NRG3: variants seen among roughly 807,000 people sequenced by gnomAD.
NRG3 encodes the protein pro-neuregulin-3, membrane-bound isoform.
A neutral mutation model predicts 66.9 loss-of-function variants in NRG3; 31 were observed. The observed-to-expected ratio is 0.46, with a 90% CI of 0.35 to 0.63. The LOEUF is 0.63. Among genes scored for constraint, NRG3 ranks in the 20% least tolerant of loss-of-function variants. The pLI, the probability that NRG3 is intolerant of heterozygous loss-of-function variation, is 0.00. For missense variants in NRG3, 910 were observed against 878.9 expected (o/e 1.04, Z -0.45); for synonymous variants, 393 against 359.4 (o/e 1.09, Z -1.06).
At chr10:82,239,629 T>C (rs372567677) in intron 1 of NRG3, among the ~76,000 whole-genome samples, 1 of 152,354 alleles carries the variant, frequency 6.6e-6, no homozygotes, top group East Asian at 1.9e-4. Flanking sequence ...ATCACAAATA[T>C]CCTTCTTCAT....
chr10:82,029,737 G>T (rs76343305), intron 1 of NRG3, among the ~76,000 whole-genome samples: 2,066 of 152,146 alleles, frequency 0.014, 52 homozygotes, highest in African/African-American at 0.047. Flanking sequence ...TTACATTGAG[G>T]GTTCCCAGGA....
chr10:82,589,983 G>A (rs561260161), intron 2 of NRG3, among the ~76,000 whole-genome samples: 63 of 152,252 alleles, frequency 4.1e-4, no homozygotes, highest in African/African-American at 1.5e-3. Context: ...ACTGAAAAAT[G>A]GTTGTTTTCT....
chr10:82,888,218 C>T (rs547496332), intron 4 of NRG3, among the ~76,000 whole-genome samples: 1 of 152,108 alleles, frequency 6.6e-6, no homozygotes, highest in Non-Finnish European at 1.5e-5. Context: ...CTAACACAGC[C>T]ATTTGTAAAG....
At chr10:82,445,425 C>T (rs1019615167) in intron 2 of NRG3, among the ~76,000 whole-genome samples, 2 of 152,184 alleles carry the variant, frequency 1.3e-5, no homozygotes, top group African/African-American at 4.8e-5. Context: ...TTTTCCTTAA[C>T]AGCAGGATGT....
intron 2 of NRG3, among the ~76,000 whole-genome samples, chr10:82,421,424 A>G (rs1161105123): frequency 1.3e-5 from 2 of 152,060 alleles, no homozygotes; most frequent in Admixed American, 1.3e-4. Flanking sequence ...GAAAAAGTCT[A>G]TGCGGCAACA....
intron 1 of NRG3, among the ~76,000 whole-genome samples, chr10:82,214,471 C>T (rs1389834447): frequency 2.0e-5 from 3 of 151,990 alleles, no homozygotes; most frequent in Non-Finnish European, 4.4e-5. Context: ...CTATTTCCAC[C>T]CCCCGCCCTT....
chr10:82,355,891 A>G (rs2083749892), intron 1 of NRG3, among the ~76,000 whole-genome samples: 1 of 152,184 alleles, frequency 6.6e-6, no homozygotes, highest in South Asian at 2.1e-4. Context: ...CCAATATTTT[A>G]TTATTGTTTA....
chr10:82,302,616 C>A (rs1255555825), intron 1 of NRG3, among the ~76,000 whole-genome samples: 1 of 151,978 alleles, frequency 6.6e-6, no homozygotes, highest in Non-Finnish European at 1.5e-5. Context: ...ACATCACAGA[C>A]CTTTTAAAAT....
At chr10:82,813,847 T>C (rs1001488900) in intron 3 of NRG3, among the ~76,000 whole-genome samples, 8 of 152,162 alleles carry the variant, frequency 5.3e-5, no homozygotes, top group Admixed American at 4.6e-4. Flanking sequence ...ATTTTTAAAG[T>C]AACTGAGGGC....
rs966796223 is a variant in NRG3 at position 82,622,819 on chromosome 10, T to C, written c.954-115758T>C. On this transcript the variant is annotated intron_variant, in intron 2 of 8. Transcript: ENST00000372141. The stretch of plus-strand genomic sequence containing the variant: ...TGTGGCAGTACTCAACACATTATTA[T>C]AAAACAAGCTTCGCATTAGATGATT... Among the ~76,000 whole-genome samples the C allele has an allele frequency of 2.0e-5, 3 of 152,312 alleles. No homozygotes were observed. The East Asian group carries it at 5.8e-4, about 29-fold the overall frequency.
chr10:82,508,697 C>G (rs1844896645), intron 2 of NRG3, among the ~76,000 whole-genome samples: 1 of 152,180 alleles, frequency 6.6e-6, no homozygotes, highest in Admixed American at 6.5e-5. Flanking sequence ...CTTTATCGTT[C>G]AGACTGGTTT....
At chr10:82,461,756 T>A (rs1457436769) in intron 2 of NRG3, among the ~76,000 whole-genome samples, 1 of 152,222 alleles carries the variant, frequency 6.6e-6, no homozygotes, top group East Asian at 1.9e-4. Context: ...GAATGAGGCA[T>A]ATGGCATAAG....
At chr10:81,913,549 A>G (rs1845381886) in intron 1 of NRG3, among the ~76,000 whole-genome samples, 2 of 151,714 alleles carry the variant, frequency 1.3e-5, no homozygotes, top group South Asian at 4.2e-4. Context: ...TCAGCCTCCC[A>G]AGTAGCTGGG....
chr10:82,558,340 C>A (rs1172067958), intron 2 of NRG3, among the ~76,000 whole-genome samples: 1 of 152,144 alleles, frequency 6.6e-6, no homozygotes, highest in East Asian at 1.9e-4. Flanking sequence ...ACAAGAAAAA[C>A]CCCTTGGGTG....
At chr10:82,964,333 T>C (rs1850985155) in intron 6 of NRG3, among the ~76,000 whole-genome samples, 1 of 152,182 alleles carries the variant, frequency 6.6e-6, no homozygotes, top group Non-Finnish European at 1.5e-5. Context: ...GTAGGCAGGC[T>C]GGGGAGTTCA....
chr10:82,177,189 T>C (rs998930025), intron 1 of NRG3, among the ~76,000 whole-genome samples: 1 of 152,124 alleles, frequency 6.6e-6, no homozygotes, highest in Non-Finnish European at 1.5e-5. Context: ...CTTTTATTGT[T>C]TCCCTTTATT....
chr10:82,922,027 G>T (rs548305567), intron 4 of NRG3, among the ~76,000 whole-genome samples: 2 of 151,824 alleles, frequency 1.3e-5, no homozygotes, highest in African/African-American at 4.8e-5. Context: ...CATTGTTATC[G>T]TGTATGAACT....
chr10:82,824,899 A>G (rs1187877688), intron 3 of NRG3, among the ~76,000 whole-genome samples: 1 of 151,856 alleles, frequency 6.6e-6, no homozygotes, highest in East Asian at 1.9e-4. Context: ...TTGCTTAGAG[A>G]CAGGGTCTCA....
chr10:82,252,434 T>G (rs2077525737), intron 1 of NRG3, among the ~76,000 whole-genome samples: 1 of 152,186 alleles, frequency 6.6e-6, no homozygotes, highest in African/African-American at 2.4e-5. Context: ...ACAGAGGCAT[T>G]GGAAAAGTTC....
Sources: allele counts gnomAD v4.1 joint callset (sites outside exome capture counted in the v4.1 genomes callset), GRCh38; gene constraint gnomAD v4.1.1; transcripts MANE v1.5; gene names NCBI Gene and HGNC (gene_info 2026-07-23, HGNC 2026-07-21).